CEP43: variants seen among roughly 807,000 people sequenced by gnomAD.
CEP43 encodes the protein FGFR1 oncogene partner.
A neutral mutation model predicts 52.6 loss-of-function variants in CEP43; 36 were observed. The observed-to-expected ratio is 0.68, with a 90% CI of 0.52 to 0.90. The LOEUF is 0.90. Among genes scored for constraint, CEP43 ranks in the 40% least tolerant of loss-of-function variants. The pLI, the probability that CEP43 is intolerant of heterozygous loss-of-function variation, is 0.00. For synonymous variants in CEP43, 192 were observed against 172.4 expected, an observed-to-expected ratio of 1.11 and a Z score of -0.89; for missense variants, 506 against 472.8, an observed-to-expected ratio of 1.07 and a Z score of -0.65.
Position 167,004,378 on chromosome 6 carries a change from G to T in CEP43, c.415G>T (p.Glu139Ter). 2 of 1,596,602 alleles carry T rather than the reference G, an allele frequency of 1.3e-6. No homozygotes were observed. The highest frequency in any genetic ancestry group is 2.2e-5 in the East Asian group (1 of 44,528). ...AGTGATCAGGCGCTGTCAACAGAAA[G>T]AAAAAGGGCCAACCACTGGGGAAGT... The part of the protein sequence containing the change: ...LEVIRRCQQK[E>*]KGPTTGEGAL... Residue 139 changes from glutamate to a stop codon, truncating the protein, a stop_gained, in exon 5 of 13, where the codon GAA becomes TAA. Transcript: ENST00000366847. LOFTEE classifies it high-confidence loss of function.
chr6:166,999,582 C>T, intron 1 of CEP43, 68 bp downstream of exon 1: 39 of 1,184,156 alleles, frequency 3.3e-5, no homozygotes, highest in Non-Finnish European at 4.3e-5. Context: ...GGCGTCACAA[C>T]GGTCGCGGCG....
chr6:167,032,679 C>A, intron 11 of CEP43, 37 bp downstream of exon 11: 2 of 1,487,878 alleles, frequency 1.3e-6, no homozygotes, highest in Admixed American at 2.0e-5. Flanking sequence ...TAAATATATA[C>A]GTTATTTGTA....
rs1199911420 is a variant in CEP43 at position 167,048,012 on chromosome 6, C to A, written c.*8034C>A. ...AATAACAGACAAGCTTTAACTCACACGATGAGCATCTTTATTTAGCTCTGC... is the reference window on the plus strand; with the variant it reads ...AATAACAGACAAGCTTTAACTCACAAGATGAGCATCTTTATTTAGCTCTGC... On this transcript the variant is annotated 3_prime_UTR_variant, in exon 13 of 13. Transcript: ENST00000366847. 4 of 152,220 alleles carry A rather than the reference C, an allele frequency of 2.6e-5. No individual in the cohort carries two copies. Among genetic ancestry groups the A allele is most frequent in the African/African-American group, 4.8e-5 (2 of 41,452 alleles). 9.4% of individuals were successfully genotyped at this position (152,220 alleles called of 1,614,324 possible). A position where few individuals can be genotyped will look rare whatever the true frequency, so the allele number is the denominator to read the frequency against.
In CEP43 at chr6:167,011,217, C is replaced by T. The variant is rs112506809; in HGVS notation, c.519+324C>T. Among the ~76,000 whole-genome samples the T allele has an allele frequency of 3.6e-3, 549 of 152,158 alleles. 5 individuals are homozygous for T. Among genetic ancestry groups the T allele is most frequent in the African/African-American group, 0.013 (532 of 41,492 alleles). On this transcript the variant is annotated intron_variant, in intron 6 of 12. Coordinates refer to ENST00000366847, the MANE Select transcript of CEP43 (RefSeq NM_007045.4). ...TTACTTTTCATTTATAAATTCCTAG[C>T]TTGAGAATATTAAGCTAGAAATATG... is the stretch of plus-strand genomic sequence containing the variant.
intron 12 of CEP43, among the ~76,000 whole-genome samples, chr6:167,037,270 C>T (rs1435146214): frequency 1.3e-5 from 2 of 152,186 alleles, no homozygotes; most frequent in African/African-American, 4.8e-5. Flanking sequence ...TCTCCAATAA[C>T]TGAATTATCT....
intron 5 of CEP43, among the ~76,000 whole-genome samples, chr6:167,008,038 C>G (rs1400373518): frequency 2.0e-5 from 3 of 152,082 alleles, no homozygotes; most frequent in Non-Finnish European, 4.4e-5. Flanking sequence ...AGTGACTGCA[C>G]TGCCGACTCA....
chr6:167,037,305 G>T (rs571553015), intron 12 of CEP43, among the ~76,000 whole-genome samples: 1 of 152,236 alleles, frequency 6.6e-6, no homozygotes, highest in East Asian at 1.9e-4. Flanking sequence ...TTCAGTCCAC[G>T]ATTTTTCCTG....
intron 12 of CEP43, chr6:167,035,953 C>A: frequency 5.2e-6 from 3 of 576,182 alleles, no homozygotes; most frequent in Non-Finnish European, 6.6e-6. Context: ...GCGTGTAAAG[C>A]ATATAGCTCA....
chr6:167,050,663 C>T lies in CEP43; in HGVS notation c.*10685C>T, dbSNP rs1392592679. The T allele has an allele frequency of 6.6e-6, 1 of 151,878 alleles. No individual in the cohort carries two copies. Among genetic ancestry groups the T allele is most frequent in the East Asian group, 1.9e-4 (1 of 5,160 alleles). The allele number at this position is 151,878 out of a possible 1,614,324, so 9.4% of individuals were successfully genotyped here. On this transcript the variant is annotated 3_prime_UTR_variant, in exon 13 of 13. Coordinates refer to ENST00000366847, the MANE Select transcript of CEP43 (RefSeq NM_007045.4). ...GTGGCAGTGCGTGCCCGCCTATAGT[C>T]CCATCTACTTGGGAGGCTGAGGCAG...
intron 7 of CEP43, among the ~76,000 whole-genome samples, chr6:167,019,884 A>G (rs1167444284): frequency 1.3e-5 from 2 of 152,114 alleles, no homozygotes; most frequent in Non-Finnish European, 2.9e-5. Context: ...TTCTCATAAT[A>G]TTGCTTTACA....
chr6:167,031,782 C>T (rs1322067077), intron 10 of CEP43, among the ~76,000 whole-genome samples: 1 of 152,186 alleles, frequency 6.6e-6, no homozygotes, highest in Non-Finnish European at 1.5e-5. Flanking sequence ...AGGCTGACAA[C>T]TCTTTTTCCT....
intron 1 of CEP43, chr6:166,999,814 T>A (rs916897540): frequency 3.6e-6 from 2 of 555,178 alleles, no homozygotes; most frequent in Non-Finnish European, 6.3e-6. Flanking sequence ...AGCTGGGCCC[T>A]GGAGTGCGGC....
rs1048698181 is a variant in CEP43 at position 166,999,432 on chromosome 6, C to A, written c.20C>A (p.Ala7Glu). 78 of 1,478,064 alleles carry A rather than the reference C, an allele frequency of 5.3e-5. 1 individual carries two copies. The highest frequency in any genetic ancestry group is 6.5e-5 in the Non-Finnish European group (72 of 1,111,788). 91.6% of individuals were successfully genotyped at this position (1,478,064 alleles called of 1,614,324 possible). The change falls in exon 1 of 13, where the codon GCA becomes GAA. Residue 7 changes from alanine to glutamate, a missense_variant. Coordinates refer to ENST00000366847, the MANE Select transcript of CEP43 (RefSeq NM_007045.4). ...AGCAAGATGGCGGCGACGGCGGCCG[C>A]AGTGGTGGCCGAGGAGGACACGGAG... MAATAAAVVAEEDTELR... is the reference protein window; with the variant it reads MAATAAEVVAEEDTELR...
chr6:167,000,089 A>C lies in CEP43; in HGVS notation c.132A>C (p.Ala44=). ...AACTCCGAGCAGCTGTGTTTTTAGC[A>C]CTAGAGGAGCAAGAAAAAGTAGAGG... ...KAELRAAVFL[A]LEEQEKVENK... is the part of the protein sequence containing the mutation. The change falls in exon 2 of 13, where the codon GCA becomes GCC. Residue 44 remains alanine (A), a synonymous_variant. Transcript: ENST00000366847. 6.2e-7 allele frequency: 1 copy of C among 1,613,048 alleles called. No homozygotes were observed. The highest frequency in any genetic ancestry group is 8.5e-7 in the Non-Finnish European group (1 of 1,179,376).
chr6:167,019,235 T>TGCATACACCTGCTGTGCACAC (rs998775825), intron 7 of CEP43, among the ~76,000 whole-genome samples: 2 of 151,880 alleles, frequency 1.3e-5, no homozygotes, highest in African/African-American at 4.8e-5. Context: ...TCTGTGCACA[T>TGCATACACCTGCTGTGCACAC]GCATACACCT....
chr6:167,026,208 C>T (rs926077037), intron 9 of CEP43, among the ~76,000 whole-genome samples: 9 of 152,102 alleles, frequency 5.9e-5, no homozygotes, highest in African/African-American at 2.2e-4. Flanking sequence ...ACTAAAAATA[C>T]AAAAATTAGC....
intron 2 of CEP43, 21 bp downstream of exon 2, chr6:167,000,134 A>T: frequency 6.4e-7 from 1 of 1,573,838 alleles, no homozygotes; most frequent in Non-Finnish European, 8.7e-7. Context: ...TCCAGATTTT[A>T]ACATGGCTGT....
chr6:167,032,105 C>T (rs1780482561), intron 10 of CEP43, among the ~76,000 whole-genome samples: 1 of 152,194 alleles, frequency 6.6e-6, no homozygotes, highest in African/African-American at 2.4e-5. Flanking sequence ...ATTCCCAGGT[C>T]ACAGAGCTGT....
At chr6:167,009,181 C>T (rs1779922487) in intron 5 of CEP43, among the ~76,000 whole-genome samples, 1 of 151,940 alleles carries the variant, frequency 6.6e-6, no homozygotes, top group Admixed American at 6.6e-5. Context: ...CACCTGAGGT[C>T]AGGAGTACGA....
Sources: gnomAD v4.1 joint callset for allele counts (sites outside exome capture counted in the v4.1 genomes callset) on GRCh38, gnomAD v4.1.1 for gene constraint, MANE v1.5 for transcripts, NCBI Gene and HGNC (gene_info 2026-07-23, HGNC 2026-07-21) for gene names.